KLF12: variants seen among roughly 807,000 people sequenced by gnomAD.
KLF12 encodes Krueppel-like factor 12.
KLF12 carries 9 observed loss-of-function variants against 37.8 expected under a neutral mutation model. The observed-to-expected ratio is 0.24, with a 90% CI of 0.14 to 0.42. KLF12 has a LOEUF of 0.42. Ranked by LOEUF, KLF12 falls within the 10% of genes least tolerant of loss-of-function variation. The pLI, the probability that KLF12 is intolerant of heterozygous loss-of-function variation, is 1.00. For missense variants in KLF12, 411 were observed against 516.0 expected, an observed-to-expected ratio of 0.80 and a Z score of 1.97; for synonymous variants, 208 against 202.1, an observed-to-expected ratio of 1.03 and a Z score of -0.25.
At chr13:74,263,508 A>G in the KLF12 span, among the ~76,000 whole-genome samples, 2 of 152,216 alleles carry the variant, frequency 1.3e-5, no homozygotes, top group African/African-American at 4.8e-5. Context: ...ACTCTCATCC[A>G]GTAATATGGT....
At chr13:73,860,866 A>G (rs535029995) in intron 3 of KLF12, among the ~76,000 whole-genome samples, 1 of 152,222 alleles carries the variant, frequency 6.6e-6, no homozygotes, top group Non-Finnish European at 1.5e-5. Context: ...AAATTTATCA[A>G]TTGATATTTA....
intron 3 of KLF12, among the ~76,000 whole-genome samples, chr13:73,854,146 A>G (rs888019626): frequency 2.6e-5 from 4 of 152,198 alleles, no homozygotes; most frequent in Non-Finnish European, 5.9e-5. Flanking sequence ...AATTAATGTT[A>G]TTATTCATTG....
intron 3 of KLF12, among the ~76,000 whole-genome samples, chr13:73,907,583 C>T (rs1275426040): frequency 6.6e-6 from 1 of 152,098 alleles, no homozygotes; most frequent in Admixed American, 6.5e-5. Flanking sequence ...CCTTATAGGC[C>T]ACCTATTAAT....
At chr13:74,094,737 C>T (rs1875881610) in intron 1 of KLF12, among the ~76,000 whole-genome samples, 1 of 151,888 alleles carries the variant, frequency 6.6e-6, no homozygotes, top group Admixed American at 6.6e-5. Flanking sequence ...GTAGCTAGAA[C>T]TACAGGTGCC....
chr13:73,759,423 G>C (rs1879401263), intron 6 of KLF12, among the ~76,000 whole-genome samples: 2 of 152,170 alleles, frequency 1.3e-5, no homozygotes. Context: ...TCTGTAAGAT[G>C]ATGAGTAAAC....
chr13:74,077,866 T>C (rs554490360), intron 1 of KLF12, among the ~76,000 whole-genome samples: 1 of 152,340 alleles, frequency 6.6e-6, no homozygotes, highest in Non-Finnish European at 1.5e-5. Flanking sequence ...TTTTCTTGTC[T>C]ATGTATTTTC....
intron 2 of KLF12, among the ~76,000 whole-genome samples, chr13:73,964,442 A>C (rs1215753433): frequency 1.3e-5 from 2 of 152,114 alleles, no homozygotes; most frequent in Non-Finnish European, 2.9e-5. Flanking sequence ...TGACAATAGC[A>C]AAACCACCGC....
chr13:73,730,217 C>A (rs1876964975), intron 6 of KLF12, among the ~76,000 whole-genome samples: 1 of 152,184 alleles, frequency 6.6e-6, no homozygotes, highest in South Asian at 2.1e-4. Flanking sequence ...TCACTGGTCT[C>A]ACCCAGCCTC....
In KLF12 at chr13:73,688,256, A is replaced by G. The variant is rs1471915230; in HGVS notation, c.*7234T>C. ...TTTCTCTGATGTTGGACAGCTTCTT[A>G]CATAAAATTCAATTAAACTAACAAC... is the stretch of plus-strand genomic sequence containing the variant. On this transcript the variant is annotated 3_prime_UTR_variant, in exon 8 of 8. Coordinates refer to ENST00000377669, the MANE Select transcript of KLF12 (RefSeq NM_007249.5). 6.5e-6 allele frequency: 1 copy of G among 152,684 alleles called. No homozygotes were observed. The highest frequency in any genetic ancestry group is 1.5e-5 in the Non-Finnish European group (1 of 68,050). The allele number at this position is 152,684 out of a possible 1,614,324, so 9.5% of individuals were successfully genotyped here.
At chr13:73,990,393 A>T (rs2138240036) in intron 2 of KLF12, among the ~76,000 whole-genome samples, 1 of 152,180 alleles carries the variant, frequency 6.6e-6, no homozygotes, top group East Asian at 1.9e-4. Flanking sequence ...GACAAAAAAA[A>T]CAAAACAAGA....
At chr13:74,207,844 A>G in the KLF12 span, among the ~76,000 whole-genome samples, 1 of 152,156 alleles carries the variant, frequency 6.6e-6, no homozygotes, top group Non-Finnish European at 1.5e-5. Flanking sequence ...TTAATTCAGG[A>G]CAAATTACTT....
intron 3 of KLF12, among the ~76,000 whole-genome samples, chr13:73,898,225 G>T (rs1887878737): frequency 6.6e-6 from 1 of 152,188 alleles, no homozygotes; most frequent in South Asian, 2.1e-4. Flanking sequence ...CCTTTTGTAT[G>T]ATCTGTGCCT....
chr13:73,692,235 G>C lies in KLF12; in HGVS notation c.*3255C>G, dbSNP rs1873864298. On this transcript the variant is annotated 3_prime_UTR_variant, in exon 8 of 8. Transcript: ENST00000377669. ...ACACACAATTGACAGAATGAGGGCA[G>C]AGGTGGATGCAGAAGCGTGAATCTT... 1 of 152,178 alleles carries C rather than the reference G, an allele frequency of 6.6e-6. No individual in the cohort carries two copies. The highest frequency in any genetic ancestry group is 1.5e-5 in the Non-Finnish European group (1 of 68,036). The allele number at this position is 152,178 out of a possible 1,614,324, so 9.4% of individuals were successfully genotyped here. A position where few individuals can be genotyped will look rare whatever the true frequency, so the allele number is the denominator to read the frequency against.
intron 1 of KLF12, among the ~76,000 whole-genome samples, chr13:74,071,252 C>G (rs147824500): frequency 6.6e-6 from 1 of 152,096 alleles, no homozygotes; most frequent in Admixed American, 6.5e-5. Flanking sequence ...ATCCTGGCAA[C>G]AGTACACACA....
intron 2 of KLF12, among the ~76,000 whole-genome samples, chr13:73,985,805 C>T (rs1001753768): frequency 1.3e-5 from 2 of 152,200 alleles, no homozygotes; most frequent in African/African-American, 4.8e-5. Flanking sequence ...CTATACAGAA[C>T]TTTTCCTCAC....
the KLF12 span, chr13:74,257,487 T>C: frequency 0.041 from 6,300 of 152,200 alleles, 143 homozygotes; most frequent in Middle Eastern, 0.071. Context: ...TGATGGTCAG[T>C]GTGAGCCAGA....
At chr13:74,204,708 A>G in the KLF12 span, among the ~76,000 whole-genome samples, 1 of 152,158 alleles carries the variant, frequency 6.6e-6, no homozygotes, top group Admixed American at 6.6e-5. Flanking sequence ...TATTTTATGT[A>G]TGAACCCGGC....
chr13:73,957,943 T>A (rs1890894231), intron 2 of KLF12, among the ~76,000 whole-genome samples: 1 of 152,186 alleles, frequency 6.6e-6, no homozygotes, highest in South Asian at 2.1e-4. Flanking sequence ...TACTGTTGAT[T>A]CACAGGAATA....
upstream of KLF12, among the ~76,000 whole-genome samples, chr13:74,134,514 G>T (rs868351059): frequency 1.3e-5 from 2 of 151,348 alleles, no homozygotes; most frequent in African/African-American, 2.4e-5. Flanking sequence ...GGCTGGGTCC[G>T]CGGCGCCTCC....
Sources: gnomAD v4.1 joint callset for allele counts (sites outside exome capture counted in the v4.1 genomes callset) on GRCh38, gnomAD v4.1.1 for gene constraint, MANE v1.5 for transcripts, NCBI Gene and HGNC (gene_info 2026-07-23, HGNC 2026-07-21) for gene names.